CTSF: variants seen among roughly 807,000 people sequenced by gnomAD.
The protein encoded by CTSF is cathepsin F.
Under a neutral mutation model 63.5 loss-of-function variants are expected in CTSF, and 65 were observed. The observed-to-expected ratio is 1.02, with a 90% CI of 0.84 to 1.26. The LOEUF is 1.26. Ranked by LOEUF, CTSF falls within the 50% of genes most tolerant of loss-of-function variation. The probability of loss-of-function intolerance (pLI) is 0.00; values close to 1 mark genes in which losing one functional copy is unlikely to be tolerated. For missense variants in CTSF, 641 were observed against 631.0 expected (o/e 1.02, Z -0.17); for synonymous variants, 256 against 258.1 (o/e 0.99, Z 0.08).
intron 11 of CTSF, 83 bp downstream of exon 11, chr11:66,564,475 T>C (rs1857880813): frequency 8.0e-7 from 1 of 1,251,934 alleles, no homozygotes; most frequent in African/African-American, 1.5e-5. Flanking sequence ...ATTCCCCCTA[T>C]TTCCCCTCTA....
At position 66,563,755 on chromosome 11, in the gene CTSF, G is replaced by A; in HGVS notation, c.*178C>T. On this transcript the variant is annotated 3_prime_UTR_variant, in exon 13 of 13. Coordinates refer to ENST00000310325, the MANE Select transcript of CTSF (RefSeq NM_003793.4). ...AGGTGCAGGTGCAGAACTTCAGGGT[G>A]GGAATGGGGTGCAGGGAAGCAGGGG... is the stretch of plus-strand genomic sequence containing the variant. The A allele has an allele frequency of 5.7e-6, 4 of 698,430 alleles. No individual in the cohort carries two copies. Among genetic ancestry groups the A allele is most frequent in the Non-Finnish European group, 9.4e-6 (4 of 423,290 alleles). The allele number at this position is 698,430 out of a possible 1,614,324, so 43.3% of individuals were successfully genotyped here. A position where few individuals can be genotyped will look rare whatever the true frequency, so the allele number is the denominator to read the frequency against.
intron 8 of CTSF, 68 bp from the exon 9 acceptor site, chr11:66,565,074 T>G: frequency 6.6e-7 from 1 of 1,511,682 alleles, no homozygotes; most frequent in Non-Finnish European, 8.8e-7. Context: ...AGAAATGAAC[T>G]AAGCCCTCTA....
Position 66,568,267 on chromosome 11 carries a change from T to A in CTSF, c.213+7A>T, listed in dbSNP as rs761072570. Reference sequence around the variant, plus strand: ...GCCTGGCGCCCCCGCCCCCGGCGCGTCCTCACCCGGCGGACGCGGCCGCGC... The same window carrying A: ...GCCTGGCGCCCCCGCCCCCGGCGCGACCTCACCCGGCGGACGCGGCCGCGC... On this transcript the variant is annotated splice_region_variant and intron_variant, in intron 1 of 12. Coordinates refer to ENST00000310325, the MANE Select transcript of CTSF (RefSeq NM_003793.4). 112 of 1,507,644 alleles carry A rather than the reference T, an allele frequency of 7.4e-5. No homozygotes were observed. In the African/African-American group the frequency reaches 1.3e-3, roughly 18 times the overall value. The allele number at this position is 1,507,644 out of a possible 1,614,324, so 93.4% of individuals were successfully genotyped here.
intron 10 of CTSF, 39 bp downstream of exon 10, chr11:66,564,700 TCAA>T (rs1565311932): frequency 6.2e-7 from 1 of 1,611,434 alleles, no homozygotes. Context: ...GTCGGGGAGG[TCAA>T]CAAGAGATGG....
Position 66,564,372 on chromosome 11 carries a change from C to T in CTSF, c.1321+186G>A, listed in dbSNP as rs1054688144. The T allele has an allele frequency of 2.9e-5, 22 of 766,354 alleles. No individual in the cohort carries two copies. The African/African-American group carries it at 3.7e-4, about 13-fold the overall frequency. The allele number at this position is 766,354 out of a possible 1,614,324, so 47.5% of individuals were successfully genotyped here. A position where few individuals can be genotyped will look rare whatever the true frequency, so the allele number is the denominator to read the frequency against. ...CAGGTTATTAGGCCATCAATATTTACCCTCCCACAGCTCAGCTTCCCTGCC... is the reference window on the plus strand; with the variant it reads ...CAGGTTATTAGGCCATCAATATTTATCCTCCCACAGCTCAGCTTCCCTGCC... On this transcript the variant is annotated intron_variant, in intron 11 of 12. Transcript: ENST00000310325.
intron 2 of CTSF, 157 bp from the exon 3 acceptor site, chr11:66,567,819 C>T: frequency 8.1e-6 from 11 of 1,360,032 alleles, no homozygotes; most frequent in Non-Finnish European, 1.1e-5. Flanking sequence ...ACCGGGGCAT[C>T]CTCCCCTTCA....
Position 66,564,869 on chromosome 11 carries a change from A to C in CTSF, c.1165+18T>G, listed in dbSNP as rs1030911295. On this transcript the variant is annotated intron_variant, in intron 9 of 12. Transcript: ENST00000310325. ...CCCCGGCCCCACCTGACCTCACCTC[A>C]CCCTGCCCCTCACTCACTCTGCTCG... 1 of 1,613,658 alleles carries C rather than the reference A, an allele frequency of 6.2e-7. No individual in the cohort carries two copies. Among genetic ancestry groups the C allele is most frequent in the Admixed American group, 1.7e-5 (1 of 60,002 alleles).
chr11:66,564,244 G>A, intron 11 of CTSF, 98 bp from the exon 12 acceptor site: 3 of 1,399,142 alleles, frequency 2.1e-6, no homozygotes, highest in Middle Eastern at 3.8e-4. Context: ...TGGGCCTACT[G>A]TGTGACAGGG....
At chr11:66,566,216 A>T in intron 5 of CTSF, 49 bp from the exon 6 acceptor site, 1 of 1,613,864 alleles carries the variant, frequency 6.2e-7, no homozygotes, top group South Asian at 1.1e-5. Context: ...GTTCTAAGCC[A>T]GACCTGACCA....
At position 66,563,591 on chromosome 11, in the gene CTSF, G is replaced by C; in HGVS notation, c.*342C>G. ...TTATAGTATCAAACAGAGGAAAGCG[G>C]GGGCAGAACAGAGCTGGGCTTAAGA... On this transcript the variant is annotated 3_prime_UTR_variant, in exon 13 of 13. Transcript: ENST00000310325. 1 of 494,142 alleles carries C rather than the reference G, an allele frequency of 2.0e-6. No homozygotes were observed. The highest frequency in any genetic ancestry group is 3.6e-6 in the Non-Finnish European group (1 of 275,894). The allele number at this position is 494,142 out of a possible 1,614,324, so 30.6% of individuals were successfully genotyped here. A position where few individuals can be genotyped will look rare whatever the true frequency, so the allele number is the denominator to read the frequency against.
intron 11 of CTSF, 60 bp downstream of exon 11, chr11:66,564,498 T>A: frequency 7.1e-7 from 1 of 1,406,514 alleles, no homozygotes; most frequent in Non-Finnish European, 9.6e-7. Flanking sequence ...GGACCTGAGA[T>A]GCTGTGATCC....
At chr11:66,566,217 G>C (rs1347601055) in intron 5 of CTSF, 50 bp from the exon 6 acceptor site, 10 of 1,613,740 alleles carry the variant, frequency 6.2e-6, no homozygotes, top group Non-Finnish European at 8.5e-6. Context: ...TTCTAAGCCA[G>C]ACCTGACCAG....
At position 66,565,723 on chromosome 11, in the gene CTSF, C is replaced by A. The variant is rs569797867; in HGVS notation, c.993G>T (p.Lys331Asn). 4 of 1,613,864 alleles carry A rather than the reference C, an allele frequency of 2.5e-6. No homozygotes were observed. In the South Asian group the frequency reaches 4.4e-5, roughly 18 times the overall value. The change falls in exon 8 of 13, where the codon AAG (lysine) becomes AAT (asparagine). Residue 331 changes from lysine to asparagine, a missense_variant. Transcript: ENST00000310325. ...TGGAGGGCAAGCCGCCCATGCAGGC[C>A]TTGTCCATCTTGTCACAGTCCAAGA... ...QELLDCDKMDKACMGGLPSNA... is the reference protein window; with the variant it reads ...QELLDCDKMDNACMGGLPSNA...
Position 66,563,472 on chromosome 11 carries a change from A to T in CTSF, c.*461T>A. ...GAGCATTTATACCACACTCGGGACA[A>T]GGACACCTCTTTATTGCTGTTAGAA... On this transcript the variant is annotated 3_prime_UTR_variant, in exon 13 of 13. Coordinates refer to ENST00000310325, the MANE Select transcript of CTSF (RefSeq NM_003793.4). The T allele has an allele frequency of 4.2e-6, 2 of 472,334 alleles. No individual in the cohort carries two copies. The highest frequency in any genetic ancestry group is 7.5e-6 in the Non-Finnish European group (2 of 267,316). The allele number at this position is 472,334 out of a possible 1,614,324, so 29.3% of individuals were successfully genotyped here.
In CTSF at chr11:66,566,302, C is replaced by T. The variant is rs1857931066; in HGVS notation, c.710G>A (p.Ser237Asn). Residue 237 changes from serine (S) to asparagine (N), a missense_variant, in exon 5 of 13, where the codon AGT becomes AAT. By Grantham distance (46) the Ser-to-Asn change is conservative. Transcript: ENST00000310325. ...GTAQYGVTKF[S>N]DLTEEEFRTI... ...GCCACTATCCCTACCTGTGAGATCA[C>T]TGAACTTGGTGACTCCATACTGAGC... 3.1e-6 allele frequency: 5 copies of T among 1,614,036 alleles called. No individual in the cohort carries two copies. In the South Asian group the frequency reaches 5.5e-5, roughly 18 times the overall value.
intron 4 of CTSF, 64 bp downstream of exon 4, chr11:66,567,182 G>C: frequency 6.5e-7 from 1 of 1,531,104 alleles, no homozygotes. Flanking sequence ...ACACACCAAG[G>C]TGCCAAGTTG....
intron 12 of CTSF, 38 bp from the exon 13 acceptor site, chr11:66,564,045 G>A (rs760584341): frequency 6.2e-7 from 1 of 1,613,872 alleles, no homozygotes; most frequent in South Asian, 1.1e-5. Flanking sequence ...CACCAGGGTA[G>A]GATGGCGGCT....
At chr11:66,565,610 G>A in intron 8 of CTSF, 61 bp downstream of exon 8, 1 of 1,601,608 alleles carries the variant, frequency 6.2e-7, no homozygotes, top group Non-Finnish European at 8.5e-7. Context: ...CCATTATGAA[G>A]TAACTTCTTG....
rs1857858907 is a variant in CTSF at position 66,563,729 on chromosome 11, A to AAGGTGC, written c.*198_*203dup. The stretch of plus-strand genomic sequence containing the variant: ...CCTCCTAAGCTACCACAATTCAACA[A>AAGGTGC]AGGTGCAGGTGCAGAACTTCAGGGT... On this transcript the variant is annotated 3_prime_UTR_variant, in exon 13 of 13. Coordinates refer to ENST00000310325, the MANE Select transcript of CTSF (RefSeq NM_003793.4). 55 of 631,242 alleles carry AAGGTGC rather than the reference A, an allele frequency of 8.7e-5. No individual in the cohort carries two copies. The South Asian group carries it at 1.1e-3, about 12-fold the overall frequency. 39.1% of individuals were successfully genotyped at this position (631,242 alleles called of 1,614,324 possible).
Sources: gnomAD v4.1 joint callset for allele counts on GRCh38, gnomAD v4.1.1 for gene constraint, MANE v1.5 for transcripts, NCBI Gene and HGNC (gene_info 2026-07-23, HGNC 2026-07-21) for gene names.